Variants in PALM2AKAP2 observed in about 807,000 individuals in gnomAD.
The protein encoded by PALM2AKAP2 is PALM2 and AKAP2 fusion.
In PALM2AKAP2, 37 loss-of-function variants were observed where a neutral mutation model predicts 71.5. The ratio of observed to expected loss-of-function variants is 0.52; its 90% CI spans 0.40 to 0.68. The LOEUF is 0.68. Among genes scored for constraint, PALM2AKAP2 ranks in the 30% least tolerant of loss-of-function variants. PALM2AKAP2 has a pLI of 0.00. For synonymous variants in PALM2AKAP2, 468 were observed against 478.8 expected, an observed-to-expected ratio of 0.98 and a Z score of 0.29; for missense variants, 1,224 against 1,191.8, an observed-to-expected ratio of 1.03 and a Z score of -0.40.
At chr9:109,899,475 C>T (rs1564201142) in intron 3 of PALM2AKAP2, among the ~76,000 whole-genome samples, 1 of 152,166 alleles carries the variant, frequency 6.6e-6, no homozygotes, top group Non-Finnish European at 1.5e-5. Context: ...AGTGTTGTGT[C>T]CTTCTGACCT....
At chr9:109,857,064 C>A (rs1192548947) in intron 1 of PALM2AKAP2, among the ~76,000 whole-genome samples, 1 of 152,164 alleles carries the variant, frequency 6.6e-6, no homozygotes, top group African/African-American at 2.4e-5. Context: ...CAGTGTCCAC[C>A]CCCGCTTCCT....
intron 1 of PALM2AKAP2, among the ~76,000 whole-genome samples, chr9:110,133,648 T>C (rs1240303385): frequency 6.6e-6 from 1 of 152,152 alleles, no homozygotes; most frequent in Non-Finnish European, 1.5e-5. Context: ...TTCCTACTGA[T>C]TTCCCACTAC....
chr9:109,704,210 G>A lies in PALM2AKAP2; in HGVS notation c.5+63344G>A, dbSNP rs529030470. 1.0e-3 allele frequency among the ~76,000 whole-genome samples: 159 copies of A among 152,348 alleles called. 1 individual carries two copies. The highest frequency in any genetic ancestry group is 2.1e-3 in the South Asian group (10 of 4,824). On this transcript the variant is annotated intron_variant, in intron 1 of 6. Transcript: ENST00000374531. ...TTCAGGCCGGATATTTACCAGCTGG[G>A]CAGGTGGGTTGGTGCTCAGAGAAGT... is the stretch of plus-strand genomic sequence containing the variant.
At chr9:109,926,800 A>G (rs1830968128) in intron 5 of PALM2AKAP2, among the ~76,000 whole-genome samples, 1 of 152,150 alleles carries the variant, frequency 6.6e-6, no homozygotes, top group African/African-American at 2.4e-5. Context: ...TGTGTGGGGC[A>G]TGGAGACCTG....
chr9:109,771,657 T>G (rs1252115814), intron 1 of PALM2AKAP2, among the ~76,000 whole-genome samples: 3 of 152,178 alleles, frequency 2.0e-5, no homozygotes, highest in African/African-American at 7.2e-5. Context: ...CAGGAAAAGC[T>G]ATCTCAATTT....
chr9:109,721,810 T>C (rs1010835486), intron 1 of PALM2AKAP2, among the ~76,000 whole-genome samples: 2 of 152,236 alleles, frequency 1.3e-5, no homozygotes, highest in African/African-American at 4.8e-5. Flanking sequence ...GGCTAAAGTG[T>C]TGGCTATGCC....
At chr9:109,861,277 C>T (rs1332378999) in intron 1 of PALM2AKAP2, among the ~76,000 whole-genome samples, 7 of 152,204 alleles carry the variant, frequency 4.6e-5, no homozygotes, top group East Asian at 1.9e-4. Flanking sequence ...GCAGCACAGT[C>T]AGCAGGAGAG....
intron 1 of PALM2AKAP2, among the ~76,000 whole-genome samples, chr9:109,748,262 C>G (rs894597212): frequency 1.3e-5 from 2 of 151,976 alleles, no homozygotes; most frequent in African/African-American, 4.8e-5. Context: ...ACCCCCTATA[C>G]TCTTTCCATC....
chr9:109,998,978 C>A (rs1208129204), intron 6 of PALM2AKAP2, among the ~76,000 whole-genome samples: 1 of 152,116 alleles, frequency 6.6e-6, no homozygotes, highest in African/African-American at 2.4e-5. Flanking sequence ...CCACTGTGTG[C>A]CAGCCCAGAC....
rs192752851 is a variant in PALM2AKAP2 at position 110,140,185 on chromosome 9, T to C, written c.2569+1646T>C. Among the ~76,000 whole-genome samples, 4 of 152,336 alleles carry C rather than the reference T, an allele frequency of 2.6e-5. No homozygotes were observed. The East Asian group carries it at 7.7e-4, about 29-fold the overall frequency. On this transcript the variant is annotated intron_variant, in intron 2 of 3. Transcript: ENST00000374525. ...TGGATTCCTGTGATATTCAATGGATTCCTGTGATATTCAATGGATTATAAT... is the reference window on the plus strand; with the variant it reads ...TGGATTCCTGTGATATTCAATGGATCCCTGTGATATTCAATGGATTATAAT...
At chr9:110,091,829 T>G (rs1424863940) in intron 1 of PALM2AKAP2, among the ~76,000 whole-genome samples, 3 of 152,228 alleles carry the variant, frequency 2.0e-5, no homozygotes, top group African/African-American at 7.2e-5. Flanking sequence ...TCTATGAGTT[T>G]AGATAAATGC....
chr9:110,104,111 A>G (rs1835060796), intron 1 of PALM2AKAP2, among the ~76,000 whole-genome samples: 1 of 132,286 alleles, frequency 7.6e-6, no homozygotes, highest in South Asian at 2.3e-4. Context: ...ACTTGGCCAC[A>G]CAGTTCTACT....
intron 1 of PALM2AKAP2, among the ~76,000 whole-genome samples, chr9:109,763,035 G>T (rs781400954): frequency 3.9e-5 from 6 of 152,170 alleles, no homozygotes; most frequent in Non-Finnish European, 8.8e-5. Flanking sequence ...AGACCAGAGG[G>T]CAGCACTTTC....
At chr9:109,730,979 C>T (rs1308004082) in intron 1 of PALM2AKAP2, among the ~76,000 whole-genome samples, 1 of 151,982 alleles carries the variant, frequency 6.6e-6, no homozygotes, top group East Asian at 1.9e-4. Flanking sequence ...GATAACTATT[C>T]CTGAAGTGCT....
chr9:110,007,851 A>G (rs934864947), intron 6 of PALM2AKAP2, among the ~76,000 whole-genome samples: 4 of 152,236 alleles, frequency 2.6e-5, no homozygotes, highest in Non-Finnish European at 2.9e-5. Flanking sequence ...TAGTTTCAAC[A>G]AAGTTTGGAC....
At chr9:109,736,856 C>G (rs1828644211) in intron 1 of PALM2AKAP2, among the ~76,000 whole-genome samples, 1 of 152,134 alleles carries the variant, frequency 6.6e-6, no homozygotes, top group East Asian at 1.9e-4. Flanking sequence ...GCATCTCTTC[C>G]CATGATTACA....
chr9:109,750,571 C>CGTGTGTGTGTGTGTGTGT (rs111708702), intron 1 of PALM2AKAP2, among the ~76,000 whole-genome samples: 1 of 147,204 alleles, frequency 6.8e-6, no homozygotes, highest in African/African-American at 2.5e-5. Context: ...TGCCCTAGGA[C>CGTGTGTGTGTGTGTGTGT]GTGTGTGTGT....
chr9:109,760,544 A>G (rs2118733419), intron 1 of PALM2AKAP2: 1 of 152,342 alleles, frequency 6.6e-6, no homozygotes, highest in Middle Eastern at 3.4e-3. Context: ...TAGAAAAATG[A>G]AAAATCAGCA....
In PALM2AKAP2 at chr9:110,023,164, A is replaced by G. The variant is rs567261400; in HGVS notation, c.582+7125A>G. Among the ~76,000 whole-genome samples, 13 of 151,596 alleles carry G rather than the reference A, an allele frequency of 8.6e-5. No homozygotes were observed. In the South Asian group the frequency reaches 2.7e-3, roughly 32 times the overall value. ...CTGAGGAATCGCCACACTGACTTCC[A>G]CAATGGTTGAACTAGTTTACAGTCC... is the stretch of plus-strand genomic sequence containing the variant. On this transcript the variant is annotated intron_variant, in intron 7 of 9. Transcript: ENST00000302798.
Sources: gnomAD v4.1 joint callset for allele counts (sites outside exome capture counted in the v4.1 genomes callset) on GRCh38, gnomAD v4.1.1 for gene constraint, MANE v1.5 for transcripts, NCBI Gene and HGNC (gene_info 2026-07-23, HGNC 2026-07-21) for gene names.